The following FRK variants were observed in gnomAD, a reference collection of about 807,000 sequenced individuals.
FRK encodes the protein tyrosine-protein kinase FRK.
FRK carries 51 observed loss-of-function variants against 56.4 expected under a neutral mutation model. The ratio of observed to expected loss-of-function variants is 0.90; its 90% CI spans 0.72 to 1.14. FRK has a LOEUF of 1.14. Ranked by LOEUF, FRK falls within the 50% of genes most tolerant of loss-of-function variation. The pLI is 0.00. For synonymous variants in FRK, 245 were observed against 217.9 expected (o/e 1.12, Z -1.10); for missense variants, 570 against 601.4 (o/e 0.95, Z 0.55).
the FRK span, among the ~76,000 whole-genome samples, chr6:116,076,188 T>A: frequency 6.6e-6 from 1 of 152,206 alleles, no homozygotes; most frequent in Non-Finnish European, 1.5e-5. Flanking sequence ...GATTGCCAGA[T>A]GATAAAAGAT....
At chr6:116,048,910 G>GAA (rs1777085623) in intron 1 of FRK, among the ~76,000 whole-genome samples, 1 of 151,738 alleles carries the variant, frequency 6.6e-6, no homozygotes, top group African/African-American at 2.4e-5. Context: ...ATTCAAAAAT[G>GAA]TTATTTTCCT....
chr6:116,081,720 C>T, the FRK span, among the ~76,000 whole-genome samples: 651 of 151,890 alleles, frequency 4.3e-3, 7 homozygotes, highest in African/African-American at 0.015. Context: ...ATAATGGTTA[C>T]ACTTACTGAG....
chr6:115,958,602 T>C (rs1451202711), intron 4 of FRK, among the ~76,000 whole-genome samples: 1 of 143,228 alleles, frequency 7.0e-6, no homozygotes, highest in Non-Finnish European at 1.5e-5. Flanking sequence ...CACTCCAGCC[T>C]GGGAAATAGA....
At chr6:116,064,384 C>T (rs372766239), upstream of FRK, among the ~76,000 whole-genome samples, 3 of 152,124 alleles carry the variant, frequency 2.0e-5, no homozygotes, top group East Asian at 1.9e-4. Flanking sequence ...GTACAATGTC[C>T]ATTATGTAAA....
intron 1 of FRK, among the ~76,000 whole-genome samples, chr6:116,019,349 C>A (rs1438259911): frequency 6.6e-6 from 1 of 152,100 alleles, no homozygotes; most frequent in East Asian, 1.9e-4. Flanking sequence ...AGTTAAAAAG[C>A]TGACCAAATA....
At chr6:116,054,420 A>AT (rs1256240259) in intron 1 of FRK, among the ~76,000 whole-genome samples, 2 of 145,494 alleles carry the variant, frequency 1.4e-5, no homozygotes, top group African/African-American at 5.0e-5. Flanking sequence ...ATATAGTATT[A>AT]TTTATATAGT....
chr6:115,978,768 A>G (rs373262537), intron 2 of FRK, among the ~76,000 whole-genome samples: 5 of 152,278 alleles, frequency 3.3e-5, no homozygotes, highest in African/African-American at 1.2e-4. Context: ...AATACATAAT[A>G]TATGATAACA....
intron 2 of FRK, among the ~76,000 whole-genome samples, chr6:115,984,771 CT>C (rs1774330624): frequency 6.9e-6 from 1 of 145,386 alleles, no homozygotes; most frequent in Non-Finnish European, 1.5e-5. Context: ...AAAAAAAAAA[CT>C]CCAATAGCTT....
intron 1 of FRK, among the ~76,000 whole-genome samples, chr6:116,051,811 A>G (rs1177127793): frequency 6.6e-6 from 1 of 152,148 alleles, no homozygotes; most frequent in Admixed American, 6.6e-5. Context: ...TAAAAAGAAG[A>G]TAAAATTATT....
At position 116,051,839 on chromosome 6, in the gene FRK, T is replaced by A. The variant is rs1006838111; in HGVS notation, c.344+8129A>T. Among the ~76,000 whole-genome samples, 9 of 152,284 alleles carry A rather than the reference T, an allele frequency of 5.9e-5. No individual in the cohort carries two copies. The East Asian group carries it at 1.2e-3, about 20-fold the overall frequency. On this transcript the variant is annotated intron_variant, in intron 1 of 7. Transcript: ENST00000606080. ...AAATTATTTTTTGGTAATGTTAGAA[T>A]GTACAGTAAAAATCTATTAATATTC...
chr6:116,048,896 A>T (rs1412842234), intron 1 of FRK, among the ~76,000 whole-genome samples: 2 of 152,198 alleles, frequency 1.3e-5, no homozygotes, highest in Non-Finnish European at 2.9e-5. Context: ...AGCGCATTGA[A>T]TGTATTCAAA....
At chr6:115,995,231 T>C (rs761095232) in intron 2 of FRK, among the ~76,000 whole-genome samples, 2 of 152,100 alleles carry the variant, frequency 1.3e-5, no homozygotes, top group Non-Finnish European at 2.9e-5. Context: ...TTTTGAATAG[T>C]TGAATAGGAA....
chr6:116,016,690 T>A (rs1312619630), intron 1 of FRK, among the ~76,000 whole-genome samples: 1 of 152,152 alleles, frequency 6.6e-6, no homozygotes, highest in South Asian at 2.1e-4. Flanking sequence ...CTGCTACAGG[T>A]CAGAACAAGC....
chr6:116,055,869 T>C (rs748351781), intron 1 of FRK, among the ~76,000 whole-genome samples: 52 of 152,340 alleles, frequency 3.4e-4, no homozygotes, highest in Admixed American at 8.5e-4. Flanking sequence ...ATTTTCTTAA[T>C]AGAATCTTCA....
At chr6:116,029,653 ATT>A in intron 1 of FRK, among the ~76,000 whole-genome samples, 1 of 152,170 alleles carries the variant, frequency 6.6e-6, no homozygotes, top group Non-Finnish European at 1.5e-5. Flanking sequence ...TACATTAACT[ATT>A]CATCTATTCT....
the FRK span, among the ~76,000 whole-genome samples, chr6:116,074,676 G>A: frequency 6.6e-6 from 1 of 151,998 alleles, no homozygotes; most frequent in African/African-American, 2.4e-5. Context: ...TTATTTCTTT[G>A]CATAGAAGTC....
intron 2 of FRK, among the ~76,000 whole-genome samples, chr6:115,995,816 C>T (rs1248901535): frequency 6.6e-6 from 1 of 152,076 alleles, no homozygotes; most frequent in Admixed American, 6.6e-5. Flanking sequence ...GTATTTAAAA[C>T]ATTTGAAATA....
chr6:116,060,435 A>G lies in FRK; in HGVS notation c.-124T>C. The G allele has an allele frequency of 1.4e-6, 1 of 717,428 alleles. No individual in the cohort carries two copies. The highest frequency in any genetic ancestry group is 2.3e-6 in the Non-Finnish European group (1 of 433,324). 44.4% of individuals were successfully genotyped at this position (717,428 alleles called of 1,614,324 possible). A position where few individuals can be genotyped will look rare whatever the true frequency, so the allele number is the denominator to read the frequency against. On this transcript the variant is annotated 5_prime_UTR_variant, in exon 1 of 8. Coordinates refer to ENST00000606080, the MANE Select transcript of FRK (RefSeq NM_002031.3). ...ACCAACTCACCATACTTCGGAGAGTATGCAAAGTCCCGTTTCAGATCAGTC... is the reference window on the plus strand; with the variant it reads ...ACCAACTCACCATACTTCGGAGAGTGTGCAAAGTCCCGTTTCAGATCAGTC...
rs1048083044 is a variant in FRK at position 116,040,832 on chromosome 6, C to T, written c.344+19136G>A. 1.1e-4 allele frequency among the ~76,000 whole-genome samples: 17 copies of T among 152,016 alleles called. 1 individual carries two copies. Among genetic ancestry groups the T allele is most frequent in the Middle Eastern group, 3.4e-3 (1 of 294 alleles). On this transcript the variant is annotated intron_variant, in intron 1 of 7. Transcript: ENST00000606080. ...ATATGGATGTTCATTAATTATTATGCTTTAGAACCTACCTGAAAGTTACAT... is the reference window on the plus strand; with the variant it reads ...ATATGGATGTTCATTAATTATTATGTTTTAGAACCTACCTGAAAGTTACAT...
Sources: allele counts gnomAD v4.1 joint callset (sites outside exome capture counted in the v4.1 genomes callset), GRCh38; gene constraint gnomAD v4.1.1; transcripts MANE v1.5; gene names NCBI Gene and HGNC (gene_info 2026-07-23, HGNC 2026-07-21).